ATP11A: variants seen among roughly 807,000 people sequenced by gnomAD.
The protein encoded by ATP11A is ATPase phospholipid transporting 11A.
A neutral mutation model predicts 154.4 loss-of-function variants in ATP11A; 81 were observed. That is an observed-to-expected ratio of 0.52 (90% confidence interval 0.44 to 0.63). ATP11A has a LOEUF of 0.63. ATP11A is among the 30% of genes least tolerant of loss of function. The probability of loss-of-function intolerance (pLI) is 0.00; values close to 1 mark genes in which losing one functional copy is unlikely to be tolerated. For missense variants in ATP11A, 1,316 were observed against 1,474.3 expected, an observed-to-expected ratio of 0.89 and a Z score of 1.76; for synonymous variants, 623 against 585.9, an observed-to-expected ratio of 1.06 and a Z score of -0.91.
intron 25 of ATP11A, among the ~76,000 whole-genome samples, chr13:112,866,576 TTAAC>T (rs1002638739): frequency 2.2e-5 from 3 of 136,274 alleles, no homozygotes; most frequent in Non-Finnish European, 3.2e-5. Flanking sequence ...CCTCAGGTAT[TTAAC>T]TAGCCGTACA....
chr13:112,754,867 C>T lies in ATP11A; in HGVS notation c.40-30268C>T, dbSNP rs995503654. ...CCATGGAGCTCCGGGAATGCTGGCCCGGCCCCACTGCAGGGCTTCCCCAGC... is the reference window on the plus strand; with the variant it reads ...CCATGGAGCTCCGGGAATGCTGGCCTGGCCCCACTGCAGGGCTTCCCCAGC... On this transcript the variant is annotated intron_variant, in intron 1 of 29. Coordinates refer to ENST00000375645, the MANE Select transcript of ATP11A (RefSeq NM_015205.3). The surrounding 1 kb of genome is among the most constrained non-coding windows in gnomAD (Gnocchi z 5.3). Among the ~76,000 whole-genome samples the T allele has an allele frequency of 3.3e-5, 5 of 152,204 alleles. No individual in the cohort carries two copies. The highest frequency in any genetic ancestry group is 7.2e-5 in the African/African-American group (3 of 41,452).
chr13:112,779,575 A>G (rs1252830640), intron 1 of ATP11A, among the ~76,000 whole-genome samples: 1 of 152,212 alleles, frequency 6.6e-6, no homozygotes, highest in Non-Finnish European at 1.5e-5. Flanking sequence ...AGTTTCTAGA[A>G]TTTACACAGA....
intron 1 of ATP11A, among the ~76,000 whole-genome samples, chr13:112,760,719 C>T (rs763634838): frequency 6.6e-6 from 1 of 152,048 alleles, no homozygotes; most frequent in African/African-American, 2.4e-5. Flanking sequence ...AATATAGTTA[C>T]CAGCATAGTT....
At position 112,857,937 on chromosome 13, in the gene ATP11A, C is replaced by A; in HGVS notation, c.2521+17C>A. 2 of 1,612,738 alleles carry A rather than the reference C, an allele frequency of 1.2e-6. No individual in the cohort carries two copies. Among genetic ancestry groups the A allele is most frequent in the Non-Finnish European group, 1.7e-6 (2 of 1,178,690 alleles). On this transcript the variant is annotated intron_variant, in intron 21 of 29. Coordinates refer to ENST00000375645, the MANE Select transcript of ATP11A (RefSeq NM_015205.3). ...TGGGCATAGGTGAGCTTCGTCCTTGCTGCTGGCACATCCTGGTGGCCAGGT... is the reference window on the plus strand; with the variant it reads ...TGGGCATAGGTGAGCTTCGTCCTTGATGCTGGCACATCCTGGTGGCCAGGT...
intron 1 of ATP11A, among the ~76,000 whole-genome samples, chr13:112,757,864 G>A (rs2076877624): frequency 6.6e-6 from 1 of 152,350 alleles, no homozygotes; most frequent in South Asian, 2.1e-4. Context: ...GCGGCAGAAA[G>A]GCGAGGTTCT....
At chr13:112,784,802 C>T (rs1008502617) in intron 1 of ATP11A, among the ~76,000 whole-genome samples, 10 of 152,198 alleles carry the variant, frequency 6.6e-5, no homozygotes, top group African/African-American at 4.8e-5. Flanking sequence ...GGATTACAGG[C>T]GTGAGCCGCC....
intron 5 of ATP11A, 69 bp downstream of exon 5, chr13:112,810,795 G>A (rs9577843): frequency 5.6e-6 from 8 of 1,437,640 alleles, no homozygotes; most frequent in Non-Finnish European, 7.8e-6. Flanking sequence ...TTTTACCCAG[G>A]TGCAGTGGCT....
At chr13:112,827,752 A>G (rs1165028636) in intron 12 of ATP11A, among the ~76,000 whole-genome samples, 2 of 152,380 alleles carry the variant, frequency 1.3e-5, no homozygotes, top group Admixed American at 6.5e-5. Flanking sequence ...CTCCCAGATG[A>G]CAGCCTGTAA....
At position 112,857,993 on chromosome 13, in the gene ATP11A, G is replaced by A. The variant is rs1455535120; in HGVS notation, c.2521+73G>A. 3 of 1,569,392 alleles carry A rather than the reference G, an allele frequency of 1.9e-6. No homozygotes were observed. The African/African-American group carries it at 4.0e-5, about 21-fold the overall frequency. ...CTTCGCTAGACAAAGGCCCATGGCA[G>A]CACGCAGGTGCATTCAGGACACCCC... is the stretch of plus-strand genomic sequence containing the variant. On this transcript the variant is annotated intron_variant, in intron 21 of 29. Transcript: ENST00000375645.
At position 112,862,531 on chromosome 13, in the gene ATP11A, G is replaced by A; in HGVS notation, c.2947G>A (p.Ala983Thr). 1.2e-6 allele frequency: 2 copies of A among 1,614,196 alleles called. No homozygotes were observed. The highest frequency in any genetic ancestry group is 1.7e-6 in the Non-Finnish European group (2 of 1,180,036). The change falls in exon 25 of 30, where the codon GCT (alanine) becomes ACT (threonine). Residue 983 changes from alanine (A) to threonine (T), a missense_variant. Physicochemically the swap from Ala to Thr is moderately conservative, Grantham distance 58 (BLOSUM62 0). This residue lies in a region of ATP11A where 294 missense variants were observed against 290.2 expected (regional missense o/e 1.01). Coordinates refer to ENST00000375645, the MANE Select transcript of ATP11A (RefSeq NM_015205.3). ...LFDALVFFFGAYFVFENTTVT... is the reference protein window; with the variant it reads ...LFDALVFFFGTYFVFENTTVT... Reference sequence around the variant, plus strand: ...TGACGCACTGGTGTTCTTCTTTGGTGCTTATTTCGTGTTTGAAAATACAAC... The same window carrying A: ...TGACGCACTGGTGTTCTTCTTTGGTACTTATTTCGTGTTTGAAAATACAAC...
intron 1 of ATP11A, among the ~76,000 whole-genome samples, chr13:112,733,080 G>T (rs566294867): frequency 6.6e-6 from 1 of 152,294 alleles, no homozygotes; most frequent in Non-Finnish European, 1.5e-5. Flanking sequence ...ACATTTCATT[G>T]TTAAATTGGG....
At chr13:112,822,037 G>T (rs1476307947) in intron 8 of ATP11A, among the ~76,000 whole-genome samples, 1 of 152,174 alleles carries the variant, frequency 6.6e-6, no homozygotes, top group Non-Finnish European at 1.5e-5. Context: ...CAGTTCTGAG[G>T]TCTATCGACC....
chr13:112,816,191 G>C lies in ATP11A; in HGVS notation c.550G>C (p.Asp184His). ...GTCHVTTASLDGESSHKTHYA... is the reference protein window; with the variant it reads ...GTCHVTTASLHGESSHKTHYA... ...GTGCCACGTCACCACCGCCAGCTTGGATGGAGAATCCAGCCATAAAGTAAG... is the reference window on the plus strand; with the variant it reads ...GTGCCACGTCACCACCGCCAGCTTGCATGGAGAATCCAGCCATAAAGTAAG... Residue 184 changes from aspartate to histidine, a missense_variant, in exon 6 of 30, where the codon GAT becomes CAT. This residue lies in a region of ATP11A where 876 missense variants were observed against 1,006.8 expected (regional missense o/e 0.87). Coordinates refer to ENST00000375645, the MANE Select transcript of ATP11A (RefSeq NM_015205.3). 2 of 1,614,182 alleles carry C rather than the reference G, an allele frequency of 1.2e-6. No individual in the cohort carries two copies. Among genetic ancestry groups the C allele is most frequent in the Non-Finnish European group, 1.7e-6 (2 of 1,180,044 alleles).
At chr13:112,829,149 A>C (rs970390338) in intron 12 of ATP11A, among the ~76,000 whole-genome samples, 2 of 152,184 alleles carry the variant, frequency 1.3e-5, no homozygotes, top group African/African-American at 4.8e-5. Flanking sequence ...GTGCCTTGGA[A>C]CACAAATCTT....
chr13:112,691,633 G>A (rs1885213111), intron 1 of ATP11A, among the ~76,000 whole-genome samples: 1 of 152,004 alleles, frequency 6.6e-6, no homozygotes, highest in Admixed American at 6.6e-5. Flanking sequence ...CATGCACCGG[G>A]TTTGATACTA....
At chr13:112,832,341 AG>A (rs1258970173) in intron 13 of ATP11A, among the ~76,000 whole-genome samples, 1 of 152,228 alleles carries the variant, frequency 6.6e-6, no homozygotes, top group Non-Finnish European at 1.5e-5. Context: ...CTGCAGGCGC[AG>A]GATAATAGCT....
At chr13:112,825,278 C>A in intron 10 of ATP11A, 152 bp from the exon 11 acceptor site, 2 of 782,166 alleles carry the variant, frequency 2.6e-6, no homozygotes, top group Non-Finnish European at 3.9e-6. Context: ...GACGCAAGTG[C>A]AGAGGACCCA....
At chr13:112,756,155 T>G (rs897563819) in intron 1 of ATP11A, among the ~76,000 whole-genome samples, 1 of 152,136 alleles carries the variant, frequency 6.6e-6, no homozygotes, top group Non-Finnish European at 1.5e-5. Context: ...TATAATGATA[T>G]CCTTACAACA....
At chr13:112,775,273 G>A (rs1282928154) in intron 1 of ATP11A, among the ~76,000 whole-genome samples, 1 of 152,228 alleles carries the variant, frequency 6.6e-6, no homozygotes, top group Non-Finnish European at 1.5e-5. Flanking sequence ...TGAAGATGCC[G>A]AAAACAGCGC....
Sources: allele counts gnomAD v4.1 joint callset (sites outside exome capture counted in the v4.1 genomes callset), GRCh38; gene constraint gnomAD v4.1.1; regional missense constraint gnomAD v4.1.1; non-coding constraint Gnocchi (gnomAD v3.1); transcripts MANE v1.5; gene names NCBI Gene and HGNC (gene_info 2026-07-23, HGNC 2026-07-21).